Variants in PKHD1 observed in about 807,000 individuals in gnomAD.
The protein encoded by PKHD1 is fibrocystin.
In PKHD1, 291 loss-of-function variants were observed where a neutral mutation model predicts 412.0. The observed-to-expected ratio is 0.71, with a 90% CI of 0.64 to 0.78. PKHD1 has a LOEUF of 0.78. PKHD1 is among the 30% of genes least tolerant of loss of function. The probability of loss-of-function intolerance (pLI) is 0.00; values close to 1 mark genes in which losing one functional copy is unlikely to be tolerated. For synonymous variants in PKHD1, 1,777 were observed against 1,821.5 expected (o/e 0.98, Z 0.62); for missense variants, 4,825 against 4,950.7 (o/e 0.97, Z 0.76).
intron 65 of PKHD1, among the ~76,000 whole-genome samples, chr6:51,630,596 A>C (rs1038518559): frequency 1.3e-5 from 2 of 152,172 alleles, no homozygotes; most frequent in Admixed American, 1.3e-4. Context: ...TTAGATTCTC[A>C]ACAATTATTG....
intron 53 of PKHD1, among the ~76,000 whole-genome samples, chr6:51,783,540 CTGTT>C (rs58293088): frequency 0.015 from 2,251 of 151,892 alleles, 44 homozygotes; most frequent in African/African-American, 0.05. Context: ...ATTGAGTTGA[CTGTT>C]TGGGTCAATA....
At chr6:51,993,075 G>A (rs1029042364) in intron 35 of PKHD1, among the ~76,000 whole-genome samples, 8 of 152,218 alleles carry the variant, frequency 5.3e-5, no homozygotes, top group Admixed American at 4.6e-4. Flanking sequence ...GTCCGGATTT[G>A]CTACAGGCAG....
chr6:51,754,135 A>G (rs553861814), intron 56 of PKHD1, among the ~76,000 whole-genome samples: 1 of 152,256 alleles, frequency 6.6e-6, no homozygotes, highest in African/African-American at 2.4e-5. Flanking sequence ...CTGATTAGCT[A>G]TATCTCCTGG....
intron 43 of PKHD1, among the ~76,000 whole-genome samples, chr6:51,901,450 C>T (rs1299919945): frequency 6.6e-6 from 1 of 151,354 alleles, no homozygotes; most frequent in Non-Finnish European, 1.5e-5. Context: ...TATTCTCACT[C>T]AAAGGTGGGA....
chr6:51,882,738 T>C (rs535911619), intron 46 of PKHD1, among the ~76,000 whole-genome samples: 1 of 152,276 alleles, frequency 6.6e-6, no homozygotes, highest in South Asian at 2.1e-4. Flanking sequence ...AAATCCATAC[T>C]TAGGCACATA....
intron 66 of PKHD1, among the ~76,000 whole-genome samples, chr6:51,625,381 A>G (rs1767101472): frequency 6.6e-6 from 1 of 152,244 alleles, no homozygotes; most frequent in Non-Finnish European, 1.5e-5. Context: ...TAATTTCCAA[A>G]GAAAAGCAGG....
At chr6:51,637,516 T>C (rs2784224) in intron 64 of PKHD1, among the ~76,000 whole-genome samples, 6,502 of 151,934 alleles carry the variant, frequency 0.043, 234 homozygotes, top group African/African-American at 0.093. Context: ...AGGAAGAACA[T>C]GAAACTGGTT....
intron 43 of PKHD1, among the ~76,000 whole-genome samples, chr6:51,896,175 G>C (rs1226235625): frequency 3.3e-5 from 5 of 152,116 alleles, no homozygotes; most frequent in Non-Finnish European, 7.4e-5. Context: ...CACAGCTCAA[G>C]GAGGCCTGCC....
intron 13 of PKHD1, among the ~76,000 whole-genome samples, chr6:52,063,823 T>C (rs1007444520): frequency 6.6e-5 from 10 of 152,210 alleles, no homozygotes; most frequent in Non-Finnish European, 1.5e-5. Flanking sequence ...TCCATAGTAA[T>C]TCGCCCAGCT....
At chr6:51,993,530 GA>G (rs1221288723) in intron 35 of PKHD1, among the ~76,000 whole-genome samples, 1 of 152,172 alleles carries the variant, frequency 6.6e-6, no homozygotes, top group Non-Finnish European at 1.5e-5. Context: ...AAAAAGAGGA[GA>G]AAAAATAATC....
At chr6:51,958,434 A>G (rs1791488540) in intron 36 of PKHD1, among the ~76,000 whole-genome samples, 1 of 152,096 alleles carries the variant, frequency 6.6e-6, no homozygotes, top group Non-Finnish European at 1.5e-5. Context: ...AAGTCAAATG[A>G]ATGTTATACT....
chr6:51,801,357 G>A (rs1466578407), intron 52 of PKHD1, among the ~76,000 whole-genome samples: 2 of 152,136 alleles, frequency 1.3e-5, no homozygotes, highest in African/African-American at 2.4e-5. Context: ...CAGTTCTCTA[G>A]AGTTCATTCT....
At chr6:51,674,565 T>C (rs757372888) in intron 60 of PKHD1, among the ~76,000 whole-genome samples, 1 of 152,200 alleles carries the variant, frequency 6.6e-6, no homozygotes, top group Non-Finnish European at 1.5e-5. Flanking sequence ...GTAGTAATGA[T>C]GAAGATGAGG....
chr6:51,917,873 T>C (rs922948984), intron 37 of PKHD1, among the ~76,000 whole-genome samples: 1 of 152,144 alleles, frequency 6.6e-6, no homozygotes, highest in Non-Finnish European at 1.5e-5. Flanking sequence ...TAAATGAATA[T>C]TTGGGATGAA....
intron 37 of PKHD1, among the ~76,000 whole-genome samples, chr6:51,927,707 C>T (rs1785897008): frequency 1.3e-5 from 2 of 152,180 alleles, no homozygotes; most frequent in African/African-American, 4.8e-5. Context: ...GCTGCTCATG[C>T]TTATCTAAGC....
At chr6:51,664,480 G>A (rs1773393149) in intron 60 of PKHD1, among the ~76,000 whole-genome samples, 1 of 152,198 alleles carries the variant, frequency 6.6e-6, no homozygotes, top group East Asian at 1.9e-4. Flanking sequence ...TAAGATGACA[G>A]AGAATGAAAA....
chr6:51,799,257 T>A (rs929125232), intron 52 of PKHD1, among the ~76,000 whole-genome samples: 7 of 152,044 alleles, frequency 4.6e-5, no homozygotes, highest in African/African-American at 1.7e-4. Flanking sequence ...GAAACATTAG[T>A]CTTATTTCTT....
rs906339762 is a variant in PKHD1 at position 51,868,205 on chromosome 6, T to C, written c.7487-96A>G. 4 of 1,142,736 alleles carry C rather than the reference T, an allele frequency of 3.5e-6. 1 individual carries two copies. The highest frequency in any genetic ancestry group is 4.4e-4 in the Middle Eastern group (2 of 4,560). 70.8% of individuals were successfully genotyped at this position (1,142,736 alleles called of 1,614,324 possible). A position where few individuals can be genotyped will look rare whatever the true frequency, so the allele number is the denominator to read the frequency against. Reference sequence around the variant, plus strand: ...TCTTAGGATTTAAATTGCATATTTATCTAGTTTTACAATTCACCTATTCAT... The same window carrying C: ...TCTTAGGATTTAAATTGCATATTTACCTAGTTTTACAATTCACCTATTCAT... On this transcript the variant is annotated intron_variant, in intron 47 of 66. Coordinates refer to ENST00000371117, the MANE Select transcript of PKHD1 (RefSeq NM_138694.4).
chr6:51,869,404 G>T (rs191593504), intron 47 of PKHD1, among the ~76,000 whole-genome samples: 1 of 152,054 alleles, frequency 6.6e-6, no homozygotes, highest in African/African-American at 2.4e-5. Context: ...CTATTACTGC[G>T]TTCATCATGC....
Sources: allele counts gnomAD v4.1 joint callset (sites outside exome capture counted in the v4.1 genomes callset), GRCh38; gene constraint gnomAD v4.1.1; transcripts MANE v1.5; gene names NCBI Gene and HGNC (gene_info 2026-07-23, HGNC 2026-07-21).